Variants in GOLIM4 observed in about 807,000 individuals in gnomAD.
The protein encoded by GOLIM4 is golgi integral membrane protein 4.
Under a neutral mutation model 107.4 loss-of-function variants are expected in GOLIM4, and 71 were observed. The observed-to-expected ratio is 0.66, with a 90% CI of 0.55 to 0.81. GOLIM4 has a LOEUF of 0.81. Among genes scored for constraint, GOLIM4 ranks in the 30% least tolerant of loss-of-function variants. The pLI is 0.00. For missense variants in GOLIM4, 830 were observed against 826.1 expected (o/e 1.00, Z -0.06); for synonymous variants, 327 against 294.8 (o/e 1.11, Z -1.12).
rs868333486 is a variant in GOLIM4 at position 168,030,102 on chromosome 3, T to C, written c.1177-66A>G. 1.2e-5 allele frequency: 18 copies of C among 1,513,826 alleles called. No individual in the cohort carries two copies. In the African/African-American group the frequency reaches 1.7e-4, roughly 14 times the overall value. The allele number at this position is 1,513,826 out of a possible 1,614,324, so 93.8% of individuals were successfully genotyped here. ...CTCCTCTGGGTTTTCTCTTCATTTG[T>C]TTCTCCTGACAAACTCAGGAGGCAG... is the stretch of plus-strand genomic sequence containing the variant. On this transcript the variant is annotated intron_variant, in intron 9 of 15. Transcript: ENST00000470487.
intron 9 of GOLIM4, among the ~76,000 whole-genome samples, chr3:168,030,497 G>C (rs1479953434): frequency 7.4e-6 from 1 of 134,756 alleles, no homozygotes; most frequent in African/African-American, 3.0e-5. Context: ...ACCAATCCCA[G>C]GCTAAGCATA....
Position 168,041,331 on chromosome 3 carries a change from A to G in GOLIM4, c.600+61T>C, listed in dbSNP as rs966245061. On this transcript the variant is annotated intron_variant, in intron 6 of 15. Transcript: ENST00000470487. ...GGCCAATTAGGGAATGACTTTTTAA[A>G]GTCATTCTACCAAATAAAGCAGGCA... 7.2e-6 allele frequency: 7 copies of G among 970,062 alleles called. No homozygotes were observed. The African/African-American group carries it at 1.1e-4, about 16-fold the overall frequency. 60.1% of individuals were successfully genotyped at this position (970,062 alleles called of 1,614,324 possible). A position where few individuals can be genotyped will look rare whatever the true frequency, so the allele number is the denominator to read the frequency against.
chr3:168,029,495 A>G (rs966618695), intron 10 of GOLIM4, among the ~76,000 whole-genome samples, 193 bp from the exon 11 acceptor site: 3 of 152,268 alleles, frequency 2.0e-5, no homozygotes, highest in African/African-American at 7.2e-5. Flanking sequence ...TTCAAAAGGT[A>G]TCTTAAAAAG....
intron 5 of GOLIM4, 95 bp from the exon 6 acceptor site, chr3:168,041,569 T>G: frequency 1.6e-6 from 1 of 632,148 alleles, no homozygotes; most frequent in Admixed American, 2.8e-5. Context: ...ATAACTTATT[T>G]TAGAATTTAT....
In GOLIM4 at chr3:168,029,711, CTG is replaced by C. The variant is rs937409017; in HGVS notation, c.1433+67_1433+68del. The C allele has an allele frequency of 5.2e-5, 82 of 1,562,942 alleles. No individual in the cohort carries two copies. In the African/African-American group the frequency reaches 1.0e-3, roughly 20 times the overall value. On this transcript the variant is annotated intron_variant, in intron 10 of 15. Coordinates refer to ENST00000470487, the MANE Select transcript of GOLIM4 (RefSeq NM_014498.5). ...CTTCATGAATCACAAATGCACAAAA[CTG>C]TTTTTAATTTGCGTATGAAAACTGG...
At chr3:168,013,775 G>C (rs1203655070) in intron 14 of GOLIM4, among the ~76,000 whole-genome samples, 2 of 150,580 alleles carry the variant, frequency 1.3e-5, no homozygotes, top group Non-Finnish European at 3.0e-5. Context: ...TGAACAACCT[G>C]CTCCTGAATG....
intron 11 of GOLIM4, among the ~76,000 whole-genome samples, chr3:168,028,150 G>A: frequency 6.6e-6 from 1 of 152,178 alleles, no homozygotes; most frequent in East Asian, 1.9e-4. Context: ...AAGCCCAGTT[G>A]ATTGGACACT....
chr3:168,027,626 AC>A (rs1241862258), intron 12 of GOLIM4, 101 bp downstream of exon 12: 2 of 744,094 alleles, frequency 2.7e-6, no homozygotes, highest in Non-Finnish European at 4.8e-6. Flanking sequence ...TGAGGATATA[AC>A]AGAAATATCT....
chr3:168,063,045 C>T (rs528068478), intron 1 of GOLIM4, among the ~76,000 whole-genome samples: 1 of 152,272 alleles, frequency 6.6e-6, no homozygotes, highest in East Asian at 1.9e-4. Flanking sequence ...CAGCTGGAAT[C>T]CTGCTTCCAC....
chr3:168,076,321 G>C (rs1370787913), intron 1 of GOLIM4, among the ~76,000 whole-genome samples: 1 of 152,120 alleles, frequency 6.6e-6, no homozygotes, highest in African/African-American at 2.4e-5. Flanking sequence ...CTATCTGTGG[G>C]GCCATGCTCT....
rs144480769 is a variant in GOLIM4, at chr3:168,045,683, T to C, written c.313-802A>G. 1.3e-3 allele frequency among the ~76,000 whole-genome samples: 197 copies of C among 152,328 alleles called. 1 individual carries two copies. In the East Asian group the frequency reaches 0.014, roughly 11 times the overall value. On this transcript the variant is annotated intron_variant, in intron 3 of 15. Coordinates refer to ENST00000470487, the MANE Select transcript of GOLIM4 (RefSeq NM_014498.5). ...AGGTACCATATCCCTCACTTTACCC[T>C]GCCAGCACAAGTATACACTCATGCA...
chr3:168,077,223 A>G (rs1721120598), intron 1 of GOLIM4, among the ~76,000 whole-genome samples: 1 of 152,180 alleles, frequency 6.6e-6, no homozygotes, highest in South Asian at 2.1e-4. Context: ...GTAATGATAC[A>G]TCCACATTCT....
chr3:168,049,394 G>A (rs1015400525), intron 1 of GOLIM4, among the ~76,000 whole-genome samples: 1 of 152,212 alleles, frequency 6.6e-6, no homozygotes, highest in East Asian at 1.9e-4. Context: ...AAACAAGTTT[G>A]TCTAAGATTT....
rs916731074 is a variant in GOLIM4 at position 168,046,371 on chromosome 3, G to T, written c.312+579C>A. ...CAGAGGGGGATTTGGCAGGGTCATA[G>T]GACAATAGTGGAGGGAAGGTCAGCA... is the stretch of plus-strand genomic sequence containing the variant. On this transcript the variant is annotated intron_variant, in intron 3 of 15. Transcript: ENST00000470487. 2.0e-5 allele frequency among the ~76,000 whole-genome samples: 3 copies of T among 152,116 alleles called. No individual in the cohort carries two copies. The East Asian group carries it at 5.8e-4, about 29-fold the overall frequency.
At chr3:168,088,117 C>A (rs1721717233) in intron 1 of GOLIM4, among the ~76,000 whole-genome samples, 1 of 152,068 alleles carries the variant, frequency 6.6e-6, no homozygotes, top group Non-Finnish European at 1.5e-5. Context: ...AAAAGAAGAA[C>A]CATTGGCTGT....
intron 8 of GOLIM4, among the ~76,000 whole-genome samples, chr3:168,034,288 G>C (rs1326099702): frequency 6.6e-6 from 1 of 152,182 alleles, no homozygotes; most frequent in Non-Finnish European, 1.5e-5. Context: ...AGGAAGGTTA[G>C]TGCAGATAAC....
At chr3:168,022,524 T>G (rs1204491362) in intron 14 of GOLIM4, among the ~76,000 whole-genome samples, 1 of 152,198 alleles carries the variant, frequency 6.6e-6, no homozygotes, top group Non-Finnish European at 1.5e-5. Context: ...TCTCTATCAC[T>G]AGTGCTTAAA....
chr3:168,067,681 T>C (rs1410542035), intron 1 of GOLIM4, among the ~76,000 whole-genome samples: 15 of 152,168 alleles, frequency 9.9e-5, no homozygotes, highest in African/African-American at 3.4e-4. Context: ...TTAATAAAAG[T>C]AATTATAGGA....
At chr3:168,094,086 A>T (rs182871739) in intron 1 of GOLIM4, among the ~76,000 whole-genome samples, 7 of 152,348 alleles carry the variant, frequency 4.6e-5, no homozygotes, top group Admixed American at 3.9e-4. Flanking sequence ...AAGCTGCATA[A>T]GTATTGAAAA....
Sources: allele counts gnomAD v4.1 joint callset (sites outside exome capture counted in the v4.1 genomes callset), GRCh38; gene constraint gnomAD v4.1.1; transcripts MANE v1.5; gene names NCBI Gene and HGNC (gene_info 2026-07-23, HGNC 2026-07-21).